RARB: variants seen among roughly 807,000 people sequenced by gnomAD.
The protein encoded by RARB is HBV-activated protein.
Under a neutral mutation model 51.9 loss-of-function variants are expected in RARB, and 17 were observed. That is an observed-to-expected ratio of 0.33 (90% CI 0.22 to 0.49). The LOEUF is 0.49. RARB is among the 20% of genes least tolerant of loss of function. The probability of loss-of-function intolerance (pLI) is 0.99; values close to 1 mark genes in which losing one functional copy is unlikely to be tolerated. For missense variants in RARB, 369 were observed against 550.8 expected (o/e 0.67, Z 3.30); for synonymous variants, 215 against 195.4 (o/e 1.10, Z -0.84).
At chr3:25,025,082 T>C (rs1332564267) in intron 2 of RARB, 1 of 152,138 alleles carries the variant, frequency 6.6e-6, no homozygotes, top group Non-Finnish European at 1.5e-5. Context: ...TGGTTAGTAC[T>C]TGGATGGGAG....
At chr3:25,342,947 C>G (rs1054621699) in intron 5 of RARB, among the ~76,000 whole-genome samples, 6 of 151,106 alleles carry the variant, frequency 4.0e-5, no homozygotes, top group Non-Finnish European at 4.4e-5. Context: ...TGCCAGAGCT[C>G]ATGGTTTAAG....
chr3:25,095,655 TAGGTTGCG>T (rs1699280375), intron 3 of RARB, among the ~76,000 whole-genome samples: 1 of 152,120 alleles, frequency 6.6e-6, no homozygotes, highest in Admixed American at 6.5e-5. Flanking sequence ...CCTGGTGGTG[TAGGTTGCG>T]AACAGCAAGA....
intron 2 of RARB, among the ~76,000 whole-genome samples, chr3:25,041,597 T>C (rs543714337): frequency 6.6e-6 from 1 of 151,796 alleles, no homozygotes; most frequent in Non-Finnish European, 1.5e-5. Flanking sequence ...ATTGATGAGA[T>C]AACACATAAT....
intron 5 of RARB, among the ~76,000 whole-genome samples, chr3:25,402,024 C>T (rs1167598391): frequency 6.6e-6 from 1 of 152,144 alleles, no homozygotes; most frequent in Non-Finnish European, 1.5e-5. Flanking sequence ...GATGCACCCA[C>T]CTCGGCTTCC....
rs78577828 is a variant in RARB at position 25,010,411 on chromosome 3, T to C, written c.-379-49714T>C. Among the ~76,000 whole-genome samples the C allele has an allele frequency of 3.4e-3, 512 of 152,270 alleles. 3 individuals are homozygous for C. The highest frequency in any genetic ancestry group is 0.012 in the African/African-American group (478 of 41,546). On this transcript the variant is annotated intron_variant, in intron 2 of 11. Transcript: ENST00000383772. ...ATTGAAAAAACCATTTGTGTAATAA[T>C]TAAAATGATCCTAATATGTAACAAA... is the stretch of plus-strand genomic sequence containing the variant.
chr3:25,370,951 C>A (rs1398412484), intron 5 of RARB, among the ~76,000 whole-genome samples: 2 of 152,162 alleles, frequency 1.3e-5, no homozygotes, highest in Non-Finnish European at 2.9e-5. Flanking sequence ...GATAACTCCA[C>A]TCTCTATCTC....
At chr3:25,250,097 C>A (rs772958512) in intron 5 of RARB, among the ~76,000 whole-genome samples, 14 of 152,102 alleles carry the variant, frequency 9.2e-5, no homozygotes, top group Non-Finnish European at 2.1e-4. Flanking sequence ...CTGGTGGTGG[C>A]TGTGACAGGA....
At chr3:25,467,756 G>T (rs1159164982) in intron 2 of RARB, among the ~76,000 whole-genome samples, 1 of 152,144 alleles carries the variant, frequency 6.6e-6, no homozygotes, top group South Asian at 2.1e-4. Context: ...AGTTTGATGG[G>T]CAAGTCTCTT....
intron 2 of RARB, among the ~76,000 whole-genome samples, chr3:25,036,961 A>T (rs1315648825): frequency 6.6e-6 from 1 of 152,100 alleles, no homozygotes; most frequent in East Asian, 1.9e-4. Flanking sequence ...CTCAGTGAGG[A>T]TAGGGATTTA....
At chr3:24,917,699 C>T (rs1695134885) in intron 2 of RARB, among the ~76,000 whole-genome samples, 1 of 152,148 alleles carries the variant, frequency 6.6e-6, no homozygotes, top group Non-Finnish European at 1.5e-5. Flanking sequence ...GCTAATTTCT[C>T]TATTTTTACT....
chr3:25,425,364 G>C (rs1440956568), upstream of RARB, among the ~76,000 whole-genome samples: 1 of 152,138 alleles, frequency 6.6e-6, no homozygotes, highest in Non-Finnish European at 1.5e-5. Flanking sequence ...TTTTCAAGAA[G>C]TGTAAGCATT....
At chr3:24,948,238 C>T (rs935327162) in intron 2 of RARB, among the ~76,000 whole-genome samples, 1 of 73,664 alleles carries the variant, frequency 1.4e-5, no homozygotes, top group Non-Finnish European at 2.6e-5. Context: ...GTAGCACATC[C>T]CCCCTGCCCA....
At chr3:25,477,585 A>G (rs1275319353) in intron 2 of RARB, among the ~76,000 whole-genome samples, 3 of 152,232 alleles carry the variant, frequency 2.0e-5, no homozygotes, top group African/African-American at 4.8e-5. Context: ...TTTATTGAGG[A>G]TGTACATATG....
intron 3 of RARB, among the ~76,000 whole-genome samples, chr3:25,079,551 G>A (rs1000259256): frequency 7.2e-5 from 11 of 151,996 alleles, no homozygotes; most frequent in African/African-American, 2.7e-4. Context: ...AAGTTAAGAG[G>A]GTTCCCTCTC....
intron 5 of RARB, among the ~76,000 whole-genome samples, chr3:25,241,721 G>A (rs768216880): frequency 3.0e-4 from 45 of 152,210 alleles, no homozygotes; most frequent in Non-Finnish European, 5.3e-4. Context: ...AACATTGATC[G>A]GCATTTGGGT....
At chr3:24,947,629 G>A (rs1389342027) in intron 2 of RARB, among the ~76,000 whole-genome samples, 3 of 152,154 alleles carry the variant, frequency 2.0e-5, no homozygotes, top group African/African-American at 7.2e-5. Context: ...CAGTGACAGT[G>A]GTATGTGTCA....
chr3:25,074,560 G>T (rs1474643770), intron 3 of RARB, among the ~76,000 whole-genome samples: 6 of 151,922 alleles, frequency 3.9e-5, no homozygotes, highest in African/African-American at 1.5e-4. Flanking sequence ...GGAAGTAAGT[G>T]GTTCACCCTT....
intron 1 of RARB, among the ~76,000 whole-genome samples, chr3:24,857,965 T>C (rs1226416989): frequency 6.6e-6 from 1 of 152,154 alleles, no homozygotes; most frequent in Admixed American, 6.5e-5. Flanking sequence ...TTTGTTGTAA[T>C]GGTTAAACTT....
rs116825683 is a variant in RARB, at chr3:25,461,305, G to A, written c.270G>A (p.Gly90=). ...PCFVCQDKSS[G]YHYGVSACEG... ...TCGTCTGCCAGGACAAATCATCAGG[G>A]TACCACTATGGGGTCAGCGCCTGTG... The change falls in exon 2 of 8, where the codon GGG becomes GGA. Residue 90 remains glycine, a synonymous_variant. Transcript: ENST00000330688. The A allele has an allele frequency of 4.4e-4, 710 of 1,613,848 alleles. 11 individuals carry two copies. In the East Asian group the frequency reaches 0.011, roughly 25 times the overall value.
Sources: gnomAD v4.1 joint callset for allele counts (sites outside exome capture counted in the v4.1 genomes callset) on GRCh38, gnomAD v4.1.1 for gene constraint, MANE v1.5 for transcripts, NCBI Gene and HGNC (gene_info 2026-07-23, HGNC 2026-07-21) for gene names.